The following DLG2 variants were observed in gnomAD, a reference collection of about 807,000 sequenced individuals.
DLG2 encodes the protein discs large MAGUK scaffold protein 2.
DLG2 carries 45 observed loss-of-function variants against 132.5 expected under a neutral mutation model. The observed-to-expected ratio is 0.34, with a 90% CI of 0.27 to 0.44. The LOEUF (loss-of-function observed/expected upper bound fraction) is 0.44. Ranked by LOEUF, DLG2 falls within the 20% of genes least tolerant of loss-of-function variation. The pLI is 1.00. For missense variants in DLG2, 1,045 were observed against 1,196.9 expected, an observed-to-expected ratio of 0.87 and a Z score of 1.87; for synonymous variants, 424 against 419.6, an observed-to-expected ratio of 1.01 and a Z score of -0.13.
At chr11:84,904,444 C>T (rs75991446) in intron 6 of DLG2, among the ~76,000 whole-genome samples, 112 of 152,220 alleles carry the variant, frequency 7.4e-4, no homozygotes, top group African/African-American at 2.4e-3. Context: ...ATATGGCCTC[C>T]GTTTACTTTT....
intron 6 of DLG2, among the ~76,000 whole-genome samples, chr11:84,838,857 C>T (rs1427486173): frequency 1.3e-5 from 2 of 151,984 alleles, no homozygotes; most frequent in Non-Finnish European, 2.9e-5. Flanking sequence ...ATATTAAGAG[C>T]TATGTATGAC....
At chr11:84,653,643 C>T (rs1307178403) in intron 6 of DLG2, among the ~76,000 whole-genome samples, 2 of 152,148 alleles carry the variant, frequency 1.3e-5, no homozygotes, top group African/African-American at 4.8e-5. Flanking sequence ...GAAGCAGACA[C>T]ATTATGCATC....
intron 5 of DLG2, among the ~76,000 whole-genome samples, chr11:85,137,636 C>T (rs1175291142): frequency 6.6e-6 from 1 of 152,140 alleles, no homozygotes. Flanking sequence ...TATCTGACAC[C>T]TTCCATAGCT....
At chr11:83,970,631 C>T (rs1016404098) in intron 12 of DLG2, among the ~76,000 whole-genome samples, 1 of 152,088 alleles carries the variant, frequency 6.6e-6, no homozygotes, top group African/African-American at 2.4e-5. Context: ...CTTGTTTAAC[C>T]TTGTAAGCTT....
At chr11:83,969,431 A>C (rs897954603) in intron 12 of DLG2, among the ~76,000 whole-genome samples, 1 of 152,240 alleles carries the variant, frequency 6.6e-6, no homozygotes, top group African/African-American at 2.4e-5. Flanking sequence ...TACACTGACC[A>C]GTCAAAAAAT....
At chr11:84,925,688 T>C (rs528748351) in intron 6 of DLG2, among the ~76,000 whole-genome samples, 13 of 152,274 alleles carry the variant, frequency 8.5e-5, no homozygotes, top group South Asian at 6.2e-4. Context: ...TTGTAGGCAA[T>C]AGAGTAAGTC....
At chr11:85,485,022 A>T (rs1229094196) in intron 3 of DLG2, among the ~76,000 whole-genome samples, 2 of 152,232 alleles carry the variant, frequency 1.3e-5, no homozygotes, top group African/African-American at 4.8e-5. Flanking sequence ...CTATGCAGCC[A>T]TAAAAAATGA....
intron 3 of DLG2, among the ~76,000 whole-genome samples, chr11:85,509,350 A>T (rs2094005722): frequency 6.6e-6 from 1 of 152,052 alleles, no homozygotes; most frequent in Non-Finnish European, 1.5e-5. Flanking sequence ...TTCTTATTCT[A>T]ACATAGATTT....
At chr11:84,994,614 A>G (rs767821637) in intron 6 of DLG2, among the ~76,000 whole-genome samples, 4 of 152,170 alleles carry the variant, frequency 2.6e-5, no homozygotes, top group Non-Finnish European at 5.9e-5. Context: ...AGTAAAAACA[A>G]ACAGAGCACA....
At chr11:84,599,483 C>T (rs974305262) in intron 6 of DLG2, among the ~76,000 whole-genome samples, 1 of 152,100 alleles carries the variant, frequency 6.6e-6, no homozygotes, top group African/African-American at 2.4e-5. Flanking sequence ...GCAGAAACTG[C>T]CCCTCTGGGT....
chr11:83,644,015 C>T (rs1228867540), intron 18 of DLG2, among the ~76,000 whole-genome samples: 1 of 152,096 alleles, frequency 6.6e-6, no homozygotes, highest in Non-Finnish European at 1.5e-5. Context: ...TAAGTGAATT[C>T]TATAGGTGAT....
intron 8 of DLG2, among the ~76,000 whole-genome samples, chr11:84,238,816 G>A (rs572221365): frequency 2.0e-5 from 3 of 152,060 alleles, no homozygotes; most frequent in Admixed American, 2.0e-4. Flanking sequence ...ACTAGCCACT[G>A]TCTTCCCTGT....
chr11:83,953,463 G>T (rs956638205), intron 14 of DLG2, among the ~76,000 whole-genome samples: 8 of 152,160 alleles, frequency 5.3e-5, no homozygotes, highest in African/African-American at 1.9e-4. Flanking sequence ...GATGATCTGA[G>T]GTGGAACCAT....
chr11:83,766,102 T>C (rs1434876661), intron 18 of DLG2, among the ~76,000 whole-genome samples: 2 of 151,690 alleles, frequency 1.3e-5, no homozygotes, highest in African/African-American at 4.8e-5. Context: ...ATGCTTTTTT[T>C]TTTTTTTTTG....
intron 6 of DLG2, among the ~76,000 whole-genome samples, chr11:85,012,842 G>C (rs1193423946): frequency 2.6e-5 from 4 of 151,996 alleles, no homozygotes; most frequent in Admixed American, 1.3e-4. Flanking sequence ...AACTTGATTT[G>C]AATTCCAGCA....
chr11:83,486,215 C>T, intron 21 of DLG2: 1 of 689,522 alleles, frequency 1.5e-6, no homozygotes, highest in Non-Finnish European at 2.6e-6. Context: ...CAGTTTCATG[C>T]CACTTTTACA....
chr11:83,753,037 T>C (rs1021018261), intron 18 of DLG2, among the ~76,000 whole-genome samples: 1 of 152,212 alleles, frequency 6.6e-6, no homozygotes, highest in South Asian at 2.1e-4. Context: ...AAAGGAAATG[T>C]AGTATGATTT....
chr11:83,844,884 C>G (rs1023670470), intron 16 of DLG2, among the ~76,000 whole-genome samples: 1 of 152,170 alleles, frequency 6.6e-6, no homozygotes, highest in African/African-American at 2.4e-5. Flanking sequence ...AGAGTCCAGG[C>G]TCACCAAGCC....
At chr11:84,125,186 T>C (rs958558679) in intron 9 of DLG2, among the ~76,000 whole-genome samples, 1 of 152,132 alleles carries the variant, frequency 6.6e-6, no homozygotes, top group East Asian at 1.9e-4. Flanking sequence ...CATATATTAC[T>C]GCCAGACAAG....
Sources: gnomAD v4.1 joint callset for allele counts (sites outside exome capture counted in the v4.1 genomes callset) on GRCh38, gnomAD v4.1.1 for gene constraint, MANE v1.5 for transcripts, NCBI Gene and HGNC (gene_info 2026-07-23, HGNC 2026-07-21) for gene names.